PCDH9: variants seen among roughly 807,000 people sequenced by gnomAD.
The protein encoded by PCDH9 is protocadherin 9.
PCDH9 carries 24 observed loss-of-function variants against 70.6 expected under a neutral mutation model. The observed-to-expected ratio is 0.34, with a 90% CI of 0.25 to 0.48. The LOEUF is 0.48. Ranked by LOEUF, PCDH9 falls within the 20% of genes least tolerant of loss-of-function variation. PCDH9 has a pLI of 0.99. For synonymous variants in PCDH9, 562 were observed against 558.5 expected (o/e 1.01, Z -0.09); for missense variants, 1,281 against 1,503.6 (o/e 0.85, Z 2.45).
rs1555272685 is a variant in PCDH9, at chr13:66,824,692, A to ATATATG, written c.3138+78806_3138+78811dup. ...TATATATATATATATATATATATAT[A>ATATATG]TATATGCACACACACATATATATAT... On this transcript the variant is annotated intron_variant, in intron 3 of 4. Coordinates refer to ENST00000377865, the MANE Select transcript of PCDH9 (RefSeq NM_203487.3). 2.3e-3 allele frequency among the ~76,000 whole-genome samples: 301 copies of ATATATG among 130,914 alleles called. 1 individual carries two copies. Among genetic ancestry groups the ATATATG allele is most frequent in the African/African-American group, 8.8e-3 (286 of 32,630 alleles). The allele number at this position is 130,914 out of a possible 152,430, so 85.9% of individuals were successfully genotyped here. A position where few individuals can be genotyped will look rare whatever the true frequency, so the allele number is the denominator to read the frequency against.
chr13:67,045,312 C>A (rs2085201313), intron 2 of PCDH9, among the ~76,000 whole-genome samples: 1 of 152,126 alleles, frequency 6.6e-6, no homozygotes, highest in Non-Finnish European at 1.5e-5. Context: ...TACATAAATT[C>A]TATGTCCCAG....
intron 4 of PCDH9, among the ~76,000 whole-genome samples, chr13:66,553,997 G>A (rs1240780790): frequency 1.3e-5 from 2 of 152,028 alleles, no homozygotes; most frequent in African/African-American, 4.8e-5. Context: ...ATAATCTTTA[G>A]TTCTAAATTG....
At chr13:66,534,668 T>A (rs1409173631) in intron 4 of PCDH9, among the ~76,000 whole-genome samples, 1 of 152,138 alleles carries the variant, frequency 6.6e-6, no homozygotes, top group Non-Finnish European at 1.5e-5. Context: ...ATGCTTATTT[T>A]CCTTTCTCTT....
chr13:66,653,088 A>G (rs2077875776), intron 3 of PCDH9, among the ~76,000 whole-genome samples: 1 of 152,192 alleles, frequency 6.6e-6, no homozygotes, highest in Non-Finnish European at 1.5e-5. Flanking sequence ...GTATGGGCAA[A>G]GATTTCTTAA....
At chr13:66,727,677 TATG>T (rs1207132786) in intron 3 of PCDH9, among the ~76,000 whole-genome samples, 4 of 152,130 alleles carry the variant, frequency 2.6e-5, no homozygotes, top group African/African-American at 9.7e-5. Context: ...GAGGCACACA[TATG>T]ATAAGTAAAA....
At position 66,642,208 on chromosome 13, in the gene PCDH9, T is replaced by C. The variant is rs554922100; in HGVS notation, c.3139-10797A>G. 5.9e-5 allele frequency among the ~76,000 whole-genome samples: 9 copies of C among 152,194 alleles called. No homozygotes were observed. In the South Asian group the frequency reaches 1.0e-3, roughly 18 times the overall value. On this transcript the variant is annotated intron_variant, in intron 3 of 4. Coordinates refer to ENST00000377865, the MANE Select transcript of PCDH9 (RefSeq NM_203487.3). ...TTTTAGACAGTAAAATTGTCAAACATATCTGAGATCTTTACTTATTAATGT... is the reference window on the plus strand; with the variant it reads ...TTTTAGACAGTAAAATTGTCAAACACATCTGAGATCTTTACTTATTAATGT...
intron 2 of PCDH9, chr13:67,224,722 C>A (rs559208482): frequency 3.0e-6 from 2 of 668,790 alleles, no homozygotes; most frequent in East Asian, 2.8e-4. Flanking sequence ...TATTAGGCAG[C>A]AAGCATTCTT....
At chr13:66,955,598 T>C (rs1262575807) in intron 2 of PCDH9, among the ~76,000 whole-genome samples, 1 of 152,204 alleles carries the variant, frequency 6.6e-6, no homozygotes, top group Non-Finnish European at 1.5e-5. Flanking sequence ...AATCAGTTTT[T>C]ATTTTGGATG....
At chr13:66,812,798 A>G (rs1194553638) in intron 3 of PCDH9, among the ~76,000 whole-genome samples, 1 of 152,164 alleles carries the variant, frequency 6.6e-6, no homozygotes, top group Non-Finnish European at 1.5e-5. Context: ...ATTTAGTTCC[A>G]TCATTTTTCT....
intron 2 of PCDH9, among the ~76,000 whole-genome samples, chr13:67,057,413 T>C (rs985639411): frequency 6.6e-6 from 1 of 151,950 alleles, no homozygotes; most frequent in African/African-American, 2.4e-5. Context: ...ACTTAGTGAG[T>C]GGAAGGATAA....
At chr13:66,752,914 C>A (rs937061219) in intron 3 of PCDH9, among the ~76,000 whole-genome samples, 1 of 152,166 alleles carries the variant, frequency 6.6e-6, no homozygotes, top group African/African-American at 2.4e-5. Context: ...TGCCAGGCCT[C>A]AGCCATATGT....
chr13:66,367,574 T>C (rs1032690953), intron 4 of PCDH9, among the ~76,000 whole-genome samples: 1 of 152,088 alleles, frequency 6.6e-6, no homozygotes, highest in Non-Finnish European at 1.5e-5. Flanking sequence ...AATTCTGGGT[T>C]CAAAGGTGGC....
At chr13:66,843,541 G>A (rs189537482) in intron 3 of PCDH9, among the ~76,000 whole-genome samples, 7 of 152,296 alleles carry the variant, frequency 4.6e-5, no homozygotes, top group Admixed American at 1.3e-4. Flanking sequence ...CCGGACAAAC[G>A]TCTTCACCTT....
At chr13:66,951,808 T>G (rs2083186457) in intron 2 of PCDH9, among the ~76,000 whole-genome samples, 1 of 152,226 alleles carries the variant, frequency 6.6e-6, no homozygotes, top group African/African-American at 2.4e-5. Flanking sequence ...GATAACAACC[T>G]AATTTCCTCA....
chr13:66,590,329 C>A (rs550392812), intron 4 of PCDH9, among the ~76,000 whole-genome samples: 75 of 151,892 alleles, frequency 4.9e-4, no homozygotes, highest in African/African-American at 1.7e-3. Context: ...ATAAGAAATT[C>A]TTAAGTTTAT....
intron 2 of PCDH9, among the ~76,000 whole-genome samples, chr13:67,189,270 ATT>A (rs1343662443): frequency 6.6e-6 from 1 of 151,870 alleles, no homozygotes; most frequent in Non-Finnish European, 1.5e-5. Flanking sequence ...ATTGGTGGAC[ATT>A]TGGAGAAATA....
rs1219382284 is a variant in PCDH9, at chr13:67,226,922, G to C, written c.1519C>G (p.Gln507Glu). The C allele has an allele frequency of 1.2e-6, 2 of 1,614,184 alleles. No individual in the cohort carries two copies. The highest frequency in any genetic ancestry group is 2.2e-5 in the South Asian group (2 of 91,088). The change falls in exon 2 of 5, where the codon CAG (glutamine) becomes GAG (glutamate). Residue 507 changes from glutamine (Q) to glutamate (E), a missense_variant. By Grantham distance (29) the Gln-to-Glu change is conservative. Around this residue, in one of 4 missense-constraint regions of PCDH9, gnomAD observed 798 missense variants for 1,003.1 expected, o/e 0.80. Coordinates refer to ENST00000377865, the MANE Select transcript of PCDH9 (RefSeq NM_203487.3). This position sits in a 1 kb window ranked among gnomAD's most constrained non-coding sequence, Gnocchi z 5.0. Reference sequence around the variant, plus strand: ...AAGAAGGAGGCATTCGGTCCAAGCTGATAAACAATGTCTGCATTTTTCCCA... The same window carrying C: ...AAGAAGGAGGCATTCGGTCCAAGCTCATAAACAATGTCTGCATTTTTCCCA... ...DSGKNADIVY[Q>E]LGPNASFFDL...
chr13:67,030,699 C>G (rs961360510), intron 2 of PCDH9, among the ~76,000 whole-genome samples: 3 of 152,100 alleles, frequency 2.0e-5, no homozygotes, highest in Non-Finnish European at 4.4e-5. Flanking sequence ...TTCTATATCT[C>G]CTTAGCACCT....
At chr13:67,164,358 C>T (rs1430332315) in intron 2 of PCDH9, among the ~76,000 whole-genome samples, 9 of 151,902 alleles carry the variant, frequency 5.9e-5, no homozygotes, top group Non-Finnish European at 1.0e-4. Flanking sequence ...GGGTGGATCA[C>T]GAGTTCAGGA....
Sources: allele counts gnomAD v4.1 joint callset (sites outside exome capture counted in the v4.1 genomes callset), GRCh38; gene constraint gnomAD v4.1.1; regional missense constraint gnomAD v4.1.1; non-coding constraint Gnocchi (gnomAD v3.1); transcripts MANE v1.5; gene names NCBI Gene and HGNC (gene_info 2026-07-23, HGNC 2026-07-21).